Variants in RASSF3 observed in about 807,000 individuals in gnomAD.
The protein encoded by RASSF3 is ras association domain-containing protein 3.
In RASSF3, 19 loss-of-function variants were observed where a neutral mutation model predicts 19.9. The observed-to-expected ratio is 0.96, with a 90% CI of 0.67 to 1.40. RASSF3 has a LOEUF of 1.40. Among genes scored for constraint, RASSF3 ranks in the 40% most tolerant of loss-of-function variants. The probability of loss-of-function intolerance (pLI) is 0.00; values close to 1 mark genes in which losing one functional copy is unlikely to be tolerated. For missense variants in RASSF3, 306 were observed against 289.8 expected (o/e 1.06, Z -0.41); for synonymous variants, 110 against 104.2 (o/e 1.06, Z -0.34).
intron 1 of RASSF3, among the ~76,000 whole-genome samples, chr12:64,677,733 C>T (rs1872960558): frequency 6.6e-6 from 1 of 152,198 alleles, no homozygotes; most frequent in African/African-American, 2.4e-5. Context: ...CCTCCTAGGG[C>T]TTTGTAGGTT....
chr12:64,576,712 A>G (rs1869600375), intron 2 of RASSF3, among the ~76,000 whole-genome samples: 2 of 151,980 alleles, frequency 1.3e-5, no homozygotes, highest in South Asian at 2.1e-4. Context: ...TTATCAGGGT[A>G]TGGTGGCACA....
chr12:64,656,079 C>G (rs1872149110), intron 1 of RASSF3, among the ~76,000 whole-genome samples: 1 of 150,610 alleles, frequency 6.6e-6, no homozygotes, highest in Non-Finnish European at 1.5e-5. Context: ...TAACTTGGAT[C>G]TCAGGTTAAT....
At chr12:64,688,151 A>T (rs1202300221) in intron 2 of RASSF3, 65 bp from the exon 3 acceptor site, 2 of 1,116,024 alleles carry the variant, frequency 1.8e-6, no homozygotes, top group Non-Finnish European at 2.7e-6. Flanking sequence ...TTTTGTTTTG[A>T]TATGCTTCTT....
chr12:64,636,393 C>T (rs1181598503), intron 1 of RASSF3, among the ~76,000 whole-genome samples: 1 of 151,942 alleles, frequency 6.6e-6, no homozygotes, highest in Non-Finnish European at 1.5e-5. Flanking sequence ...GGATTACAGG[C>T]ATGAGCCACT....
chr12:64,682,790 G>A (rs1024319629), intron 1 of RASSF3, among the ~76,000 whole-genome samples: 5 of 152,220 alleles, frequency 3.3e-5, no homozygotes, highest in Admixed American at 2.6e-4. Context: ...CCAGCTGTGA[G>A]AATGATGTGA....
chr12:64,650,661 C>T (rs1490231991), intron 1 of RASSF3, among the ~76,000 whole-genome samples: 5 of 152,094 alleles, frequency 3.3e-5, no homozygotes, highest in Middle Eastern at 3.4e-3. Flanking sequence ...GTGATCTGCC[C>T]GCCTTGGACT....
intron 1 of RASSF3, among the ~76,000 whole-genome samples, chr12:64,642,554 C>A (rs2136183980): frequency 1.3e-5 from 1 of 75,702 alleles, no homozygotes; most frequent in Non-Finnish European, 2.3e-5. Context: ...AACGAGACTC[C>A]ATCTCAAAAA....
intron 1 of RASSF3, among the ~76,000 whole-genome samples, chr12:64,647,638 C>A (rs537866961): frequency 6.6e-6 from 1 of 152,088 alleles, no homozygotes; most frequent in Non-Finnish European, 1.5e-5. Context: ...GTCTCGAATT[C>A]CTGACCTCAT....
intron 1 of RASSF3, among the ~76,000 whole-genome samples, 189 bp downstream of exon 1, chr12:64,610,932 G>A (rs925555635): frequency 5.9e-5 from 9 of 151,336 alleles, no homozygotes; most frequent in African/African-American, 2.2e-4. Flanking sequence ...GTGCGTGTAG[G>A]CGAGGGAAGG....
At chr12:64,644,264 G>C (rs1044067837) in intron 1 of RASSF3, among the ~76,000 whole-genome samples, 1 of 152,184 alleles carries the variant, frequency 6.6e-6, no homozygotes, top group Non-Finnish European at 1.5e-5. Flanking sequence ...TATATAGAGA[G>C]GGAAAGAGTA....
intron 1 of RASSF3, among the ~76,000 whole-genome samples, chr12:64,620,037 T>TGTGTGTGTG (rs1565851666): frequency 1.3e-5 from 2 of 148,750 alleles, no homozygotes; most frequent in African/African-American, 2.5e-5. Context: ...TGTGTGTGTG[T>TGTGTGTGTG]AGTTTTCTGA....
chr12:64,674,538 C>T (rs1872812809), intron 1 of RASSF3, among the ~76,000 whole-genome samples: 1 of 152,070 alleles, frequency 6.6e-6, no homozygotes, highest in Non-Finnish European at 1.5e-5. Context: ...CCGATGTGGC[C>T]CCACTGCACC....
chr12:64,610,345 G>C (rs1232941357), upstream of RASSF3, among the ~76,000 whole-genome samples: 1 of 150,224 alleles, frequency 6.7e-6, no homozygotes, highest in African/African-American at 2.4e-5. Flanking sequence ...CCCACCTGCG[G>C]GCGGGCGGGG....
intron 2 of RASSF3, among the ~76,000 whole-genome samples, chr12:64,551,043 C>A (rs968947753): frequency 3.3e-5 from 5 of 151,990 alleles, no homozygotes; most frequent in African/African-American, 9.7e-5. Flanking sequence ...CTTGGTTTCA[C>A]CCTTATTCAA....
At chr12:64,542,984 T>TGG (rs1592395196), downstream of RASSF3, among the ~76,000 whole-genome samples, 2 of 151,208 alleles carry the variant, frequency 1.3e-5, no homozygotes, top group East Asian at 4.0e-4. Flanking sequence ...GAGTTCCGGG[T>TGG]GGGCGTGGGC....
At chr12:64,630,475 A>G (rs780421885) in intron 1 of RASSF3, among the ~76,000 whole-genome samples, 2 of 152,192 alleles carry the variant, frequency 1.3e-5, no homozygotes, top group Non-Finnish European at 2.9e-5. Context: ...GCAGTGAGCT[A>G]TGGTCACACC....
intron 1 of RASSF3, among the ~76,000 whole-genome samples, chr12:64,656,028 G>GAAA (rs11356200): frequency 1.8e-5 from 2 of 108,714 alleles, no homozygotes; most frequent in Admixed American, 1.0e-4. Context: ...CTTTGTCTCA[G>GAAA]AAAAAAAAAA....
At chr12:64,549,442 T>A (rs7970071) in intron 2 of RASSF3, among the ~76,000 whole-genome samples, 31,988 of 152,170 alleles carry the variant, frequency 0.21, 5,569 homozygotes, top group African/African-American at 0.48. Flanking sequence ...TGTAACTGAT[T>A]TACTACTTTA....
chr12:64,684,688 C>T, intron 1 of RASSF3, 99 bp from the exon 2 acceptor site: 1 of 756,304 alleles, frequency 1.3e-6, no homozygotes, highest in Admixed American at 2.0e-5. Context: ...ACCTCAGCCT[C>T]CCAAAGTGCT....
Sources: allele counts gnomAD v4.1 joint callset (sites outside exome capture counted in the v4.1 genomes callset), GRCh38; gene constraint gnomAD v4.1.1; transcripts MANE v1.5; gene names NCBI Gene and HGNC (gene_info 2026-07-23, HGNC 2026-07-21).